NRAP: variants seen among roughly 807,000 people sequenced by gnomAD.
NRAP encodes the protein nebulin-related-anchoring protein.
In NRAP, 189 loss-of-function variants were observed where a neutral mutation model predicts 225.9. The observed-to-expected ratio is 0.84, with a 90% CI of 0.74 to 0.94. NRAP has a LOEUF of 0.94. NRAP is among the 40% of genes least tolerant of loss of function. NRAP has a pLI of 0.00. For missense variants in NRAP, 2,176 were observed against 2,168.7 expected, an observed-to-expected ratio of 1.00 and a Z score of -0.07; for synonymous variants, 769 against 790.7, an observed-to-expected ratio of 0.97 and a Z score of 0.46.
chr10:113,641,362 C>T lies in NRAP; in HGVS notation c.1323+3G>A. On this transcript the variant is annotated splice_donor_region_variant and intron_variant, in intron 13 of 41. Coordinates refer to ENST00000359988, the MANE Select transcript of NRAP (RefSeq NM_198060.4). ...CAACAGACCCTGGCATAAAAGGACTCACGTTGCTTGCCAGGCTGCCAACTT... is the reference window on the plus strand; with the variant it reads ...CAACAGACCCTGGCATAAAAGGACTTACGTTGCTTGCCAGGCTGCCAACTT... 1.3e-6 allele frequency: 2 copies of T among 1,599,186 alleles called. No individual in the cohort carries two copies. Among genetic ancestry groups the T allele is most frequent in the South Asian group, 1.1e-5 (1 of 90,650 alleles).
At chr10:113,601,773 A>G (rs781716650) in intron 35 of NRAP, among the ~76,000 whole-genome samples, 5 of 152,154 alleles carry the variant, frequency 3.3e-5, no homozygotes, top group African/African-American at 7.2e-5. Flanking sequence ...TTCCTCAGTT[A>G]GTAAAAAAAA....
chr10:113,613,009 T>C (rs1309481712), intron 29 of NRAP, among the ~76,000 whole-genome samples: 1 of 152,050 alleles, frequency 6.6e-6, no homozygotes, highest in African/African-American at 2.4e-5. Context: ...TTCCAGACCA[T>C]AGATTCGACT....
chr10:113,605,469 T>A (rs1382604533), intron 34 of NRAP, among the ~76,000 whole-genome samples: 1 of 152,190 alleles, frequency 6.6e-6, no homozygotes, highest in Admixed American at 6.5e-5. Flanking sequence ...TGGGTGGAGT[T>A]AGAAGACAGG....
chr10:113,615,051 C>T (rs544070623), intron 27 of NRAP, 105 bp from the exon 28 acceptor site: 1 of 727,612 alleles, frequency 1.4e-6, no homozygotes, highest in Admixed American at 2.0e-5. Flanking sequence ...TCCCCTCCCT[C>T]CCCTGGCCAG....
chr10:113,590,432 CT>C (rs1434798151), intron 40 of NRAP, 145 bp downstream of exon 40: 1 of 719,344 alleles, frequency 1.4e-6, no homozygotes, highest in Admixed American at 2.8e-5. Flanking sequence ...TATTGTTATT[CT>C]TTCTGGCACT....
chr10:113,623,019 TACAAC>T (rs1284991054), intron 23 of NRAP, among the ~76,000 whole-genome samples: 3 of 152,264 alleles, frequency 2.0e-5, no homozygotes, highest in Non-Finnish European at 2.9e-5. Context: ...CATTAGGCTG[TACAAC>T]ACTTCATGTA....
At chr10:113,615,119 T>C (rs1847571848) in intron 27 of NRAP, among the ~76,000 whole-genome samples, 173 bp from the exon 28 acceptor site, 1 of 146,342 alleles carries the variant, frequency 6.8e-6, no homozygotes, top group Admixed American at 6.8e-5. Flanking sequence ...TCCTGCCTCG[T>C]GCCCACCTCT....
In NRAP at chr10:113,637,735, C is replaced by T. The variant is rs1325931820; in HGVS notation, c.1428+2492G>A. 5.9e-5 allele frequency among the ~76,000 whole-genome samples: 9 copies of T among 152,176 alleles called. No homozygotes were observed. In the East Asian group the frequency reaches 1.4e-3, roughly 23 times the overall value. On this transcript the variant is annotated intron_variant, in intron 14 of 41. Coordinates refer to ENST00000359988, the MANE Select transcript of NRAP (RefSeq NM_198060.4). ...GGTCAGGAGTTTGAGACCAGCCTGA[C>T]CAACAGGGAGAAACACCATCTCTAC...
intron 12 of NRAP, 73 bp downstream of exon 12, chr10:113,642,861 T>A: frequency 1.2e-6 from 1 of 805,210 alleles, no homozygotes; most frequent in Non-Finnish European, 2.2e-6. Flanking sequence ...TCCCATAGAC[T>A]GTCCCTCTTA....
At position 113,622,176 on chromosome 10, in the gene NRAP, T is replaced by G; in HGVS notation, c.2462A>C (p.Lys821Thr). ...KAKRDLASEV[K>T]YKEDYERSRG... The stretch of plus-strand genomic sequence containing the variant: ...GGATCTCTCATAATCCTCCTTGTAC[T>G]TCACCTAAATAAGAGGAATAGAGCA... Residue 821 changes from lysine to threonine, a missense_variant, in exon 24 of 42, where the codon AAG becomes ACG. By Grantham distance (78) the Lys-to-Thr change is moderately conservative. Transcript: ENST00000359988. 1 of 1,608,156 alleles carries G rather than the reference T, an allele frequency of 6.2e-7. No individual in the cohort carries two copies. Among genetic ancestry groups the G allele is most frequent in the Non-Finnish European group, 8.5e-7 (1 of 1,174,880 alleles).
intron 6 of NRAP, among the ~76,000 whole-genome samples, chr10:113,652,653 G>A (rs1850050360): frequency 6.6e-6 from 1 of 151,698 alleles, no homozygotes; most frequent in South Asian, 2.1e-4. Context: ...AAATAAAAAT[G>A]TAAAATAATA....
In NRAP at chr10:113,598,010, G is replaced by A. The variant is rs1246910449; in HGVS notation, c.4291C>T (p.Gln1431Ter). ...GIGWLALRSP[Q>*]MESAKKAGEL... is the part of the protein sequence containing the mutation. ...CCAGCCTTCTTTGCACTCTCCATCT[G>A]TGGGGATCTCAGCGCCAGCCATCCT... is the stretch of plus-strand genomic sequence containing the variant. The change falls in exon 36 of 42, where the codon CAG becomes TAG. Residue 1431 changes from glutamine (Q) to a stop codon, truncating the protein, a stop_gained. Transcript: ENST00000359988. LOFTEE classifies it high-confidence loss of function. 7 of 1,613,722 alleles carry A rather than the reference G, an allele frequency of 4.3e-6. No individual in the cohort carries two copies. Among genetic ancestry groups the A allele is most frequent in the African/African-American group, 1.3e-5 (1 of 74,838 alleles).
intron 29 of NRAP, 41 bp from the exon 30 acceptor site, chr10:113,612,472 A>G: frequency 6.5e-7 from 1 of 1,537,748 alleles, no homozygotes; most frequent in South Asian, 1.1e-5. Context: ...TTTCAAAGCC[A>G]CTATTTGCAA....
At chr10:113,610,404 A>G in intron 31 of NRAP, 55 bp downstream of exon 31, 1 of 827,656 alleles carries the variant, frequency 1.2e-6, no homozygotes, top group Non-Finnish European at 2.1e-6. Context: ...AAACAAACTG[A>G]TTATCCTCTG....
At chr10:113,614,564 A>G (rs531777372) in intron 28 of NRAP, among the ~76,000 whole-genome samples, 1 of 152,316 alleles carries the variant, frequency 6.6e-6, no homozygotes, top group East Asian at 1.9e-4. Flanking sequence ...ATCTCTTCAC[A>G]TGGACTCTCT....
At chr10:113,609,189 T>C (rs1015879684) in intron 31 of NRAP, among the ~76,000 whole-genome samples, 1 of 152,036 alleles carries the variant, frequency 6.6e-6, no homozygotes, top group South Asian at 2.1e-4. Context: ...AAAATAAAAA[T>C]AAATAAAACT....
chr10:113,646,053 C>A, intron 10 of NRAP, 112 bp from the exon 11 acceptor site: 1 of 583,336 alleles, frequency 1.7e-6, no homozygotes, highest in Non-Finnish European at 3.0e-6. Context: ...ATACAATTTT[C>A]TGAAAGAAAA....
At chr10:113,634,945 G>A (rs1048271749) in intron 14 of NRAP, among the ~76,000 whole-genome samples, 2 of 152,076 alleles carry the variant, frequency 1.3e-5, no homozygotes, top group African/African-American at 2.4e-5. Context: ...ACCAGCCCCT[G>A]CCTGGCCCTC....
intron 2 of NRAP, 39 bp from the exon 3 acceptor site, chr10:113,662,805 T>C: frequency 9.9e-7 from 1 of 1,006,692 alleles, no homozygotes; most frequent in Non-Finnish European, 1.5e-6. Context: ...AGAAATGTAC[T>C]TTATCCAAAT....
Sources: gnomAD v4.1 joint callset for allele counts (sites outside exome capture counted in the v4.1 genomes callset) on GRCh38, gnomAD v4.1.1 for gene constraint, MANE v1.5 for transcripts, NCBI Gene and HGNC (gene_info 2026-07-23, HGNC 2026-07-21) for gene names.